The following TIMM23 variants were observed in gnomAD, a reference collection of about 807,000 sequenced individuals.
TIMM23 encodes the protein mitochondrial import inner membrane translocase subunit Tim23.
Under a neutral mutation model 30.7 loss-of-function variants are expected in TIMM23, and 19 were observed. The observed-to-expected ratio is 0.62, with a 90% CI of 0.43 to 0.91. The LOEUF is 0.91. Ranked by LOEUF, TIMM23 falls within the 40% of genes least tolerant of loss-of-function variation. The pLI is 0.00. For missense variants in TIMM23, 202 were observed against 269.2 expected (o/e 0.75, Z 1.75); for synonymous variants, 78 against 98.5 (o/e 0.79, Z 1.23).
intron 6 of TIMM23, among the ~76,000 whole-genome samples, chr10:45,991,691 C>T (rs1255984112): frequency 4.6e-5 from 7 of 150,986 alleles, no homozygotes; most frequent in Admixed American, 1.3e-4. Context: ...GTGGAGGTTG[C>T]GGTGAGGCGA....
chr10:45,997,677 T>C (rs1838388111), intron 6 of TIMM23, among the ~76,000 whole-genome samples: 3 of 152,050 alleles, frequency 2.0e-5, no homozygotes, highest in Admixed American at 6.6e-5. Flanking sequence ...TGGTGGTGCA[T>C]GATTGTAGTC....
intron 6 of TIMM23, among the ~76,000 whole-genome samples, chr10:45,997,362 TGA>T (rs1838374812): frequency 6.6e-6 from 1 of 152,116 alleles, no homozygotes. Context: ...TCTACTAATG[TGA>T]GGTACTTAGA....
At chr10:45,990,587 A>AT (rs1323979444) in intron 6 of TIMM23, 4,809 of 292,644 alleles carry the variant, frequency 0.016, no homozygotes, top group Middle Eastern at 0.028. Flanking sequence ...CCAGCTAATT[A>AT]TTTTTTTTTT....
intron 6 of TIMM23, among the ~76,000 whole-genome samples, chr10:45,997,333 T>TA (rs1222335755): frequency 6.6e-6 from 1 of 152,100 alleles, no homozygotes; most frequent in Non-Finnish European, 1.5e-5. Context: ...AGGCCATCTA[T>TA]AAAAAAAAAT....
At chr10:46,003,154 A>C (rs782267362) in intron 6 of TIMM23, 49 bp from the exon 7 acceptor site, 2 of 1,411,198 alleles carry the variant, frequency 1.4e-6, no homozygotes, top group East Asian at 4.6e-5. Flanking sequence ...GTGCTAGGGC[A>C]CTATGCAATA....
At chr10:45,993,108 C>T (rs1215947242) in intron 6 of TIMM23, among the ~76,000 whole-genome samples, 2 of 152,260 alleles carry the variant, frequency 1.3e-5, no homozygotes, top group African/African-American at 4.8e-5. Flanking sequence ...TTTGCACATA[C>T]ATTTTAGTTG....
At chr10:45,975,590 C>T in intron 2 of TIMM23, 78 bp downstream of exon 2, 5 of 1,573,990 alleles carry the variant, frequency 3.2e-6, no homozygotes. Flanking sequence ...CTGACTTGAA[C>T]TATGACATAC....
chr10:45,979,588 T>G (rs1837782434), intron 2 of TIMM23, among the ~76,000 whole-genome samples: 1 of 144,122 alleles, frequency 6.9e-6, no homozygotes, highest in Admixed American at 7.1e-5. Context: ...ATTACAGGCA[T>G]GAGCCACCAT....
intron 2 of TIMM23, among the ~76,000 whole-genome samples, chr10:45,978,933 A>G (rs1328383077): frequency 6.6e-6 from 1 of 152,278 alleles, no homozygotes. Context: ...GCATATCCAT[A>G]CAATGGAATA....
At chr10:45,980,914 A>G (rs1428834083) in intron 2 of TIMM23, among the ~76,000 whole-genome samples, 5 of 143,588 alleles carry the variant, frequency 3.5e-5, no homozygotes, top group East Asian at 4.0e-4. Context: ...TGTTCATCAC[A>G]GCCTTTTTTT....
In TIMM23 at chr10:45,976,336, C is replaced by T. The variant is rs1177257697; in HGVS notation, c.165+824C>T. ...GATTATAAAAACAAACTAGGCTGGG[C>T]GCAGTGATTCACACCTGTAATCCCA... On this transcript the variant is annotated intron_variant, in intron 2 of 6. Coordinates refer to ENST00000580018, the MANE Select transcript of TIMM23 (RefSeq NM_006327.4). Among the ~76,000 whole-genome samples the T allele has an allele frequency of 2.7e-5, 4 of 148,364 alleles. No individual in the cohort carries two copies. The South Asian group carries it at 6.5e-4, about 24-fold the overall frequency.
At chr10:45,991,591 A>C (rs1260097581) in intron 6 of TIMM23, among the ~76,000 whole-genome samples, 1 of 152,168 alleles carries the variant, frequency 6.6e-6, no homozygotes, top group East Asian at 1.9e-4. Context: ...GTTTCCACTA[A>C]AAATACAAAA....
intron 5 of TIMM23, among the ~76,000 whole-genome samples, chr10:45,985,697 C>T (rs1156563620): frequency 2.0e-5 from 3 of 152,184 alleles, no homozygotes; most frequent in East Asian, 1.9e-4. Context: ...CCTTTCCAAG[C>T]ACAACACCCA....
chr10:45,985,450 A>G lies in TIMM23; in HGVS notation c.403+9A>G. 6.2e-7 allele frequency: 1 copy of G among 1,613,472 alleles called. No individual in the cohort carries two copies. Among genetic ancestry groups the G allele is most frequent in the African/African-American group, 1.3e-5 (1 of 75,042 alleles). ...TACTCTAGGTTCTCTGGGTAAGTAGAGATCTCATTTGATAATAAATTGTTA... is the reference window on the plus strand; with the variant it reads ...TACTCTAGGTTCTCTGGGTAAGTAGGGATCTCATTTGATAATAAATTGTTA... On this transcript the variant is annotated intron_variant, in intron 5 of 6. Transcript: ENST00000580018.
intron 6 of TIMM23, among the ~76,000 whole-genome samples, chr10:46,001,008 A>G (rs1317763534): frequency 2.0e-5 from 3 of 152,234 alleles, no homozygotes; most frequent in Admixed American, 6.5e-5. Context: ...AGCGATAGCA[A>G]TGCTGTTGCA....
intron 6 of TIMM23, among the ~76,000 whole-genome samples, chr10:45,990,292 C>A (rs1371456530): frequency 3.3e-5 from 5 of 151,412 alleles, no homozygotes; most frequent in African/African-American, 1.2e-4. Flanking sequence ...CTGGCTAATT[C>A]TTGTATTTTT....
intron 2 of TIMM23, among the ~76,000 whole-genome samples, chr10:45,982,321 T>C (rs1462888423): frequency 4.1e-4 from 62 of 152,260 alleles, no homozygotes; most frequent in Non-Finnish European, 6.2e-4. Context: ...GAGACTCCCT[T>C]CTAAGAACTA....
chr10:45,990,363 T>G (rs1267932299), intron 6 of TIMM23, among the ~76,000 whole-genome samples: 1 of 152,102 alleles, frequency 6.6e-6, no homozygotes, highest in East Asian at 1.9e-4. Context: ...CCTCAGGTGT[T>G]CCACCCTCCT....
chr10:45,996,965 AAAC>A (rs1321230136), intron 6 of TIMM23, among the ~76,000 whole-genome samples: 3 of 52,782 alleles, frequency 5.7e-5, no homozygotes, highest in Non-Finnish European at 9.2e-5. Context: ...ACCCTGTGTC[AAAC>A]AAAAAAAAAA....
Sources: allele counts gnomAD v4.1 joint callset (sites outside exome capture counted in the v4.1 genomes callset), GRCh38; gene constraint gnomAD v4.1.1; transcripts MANE v1.5; gene names NCBI Gene and HGNC (gene_info 2026-07-23, HGNC 2026-07-21).